BNC2: variants seen among roughly 807,000 people sequenced by gnomAD.
BNC2 encodes the protein basonuclin zinc finger protein 2, also known as zinc finger protein basonuclin-2.
BNC2 carries 20 observed loss-of-function variants against 76.3 expected under a neutral mutation model. The observed-to-expected ratio is 0.26, with a 90% CI of 0.18 to 0.38. The LOEUF is 0.38. Among genes scored for constraint, BNC2 ranks in the 10% least tolerant of loss-of-function variants. The pLI is 1.00. For missense variants in BNC2, 1,382 were observed against 1,399.8 expected (o/e 0.99, Z 0.20); for synonymous variants, 582 against 514.8 (o/e 1.13, Z -1.77).
chr9:16,465,935 C>T (rs899677544), intron 5 of BNC2, among the ~76,000 whole-genome samples: 15 of 146,050 alleles, frequency 1.0e-4, no homozygotes, highest in Admixed American at 4.9e-4. Flanking sequence ...AAAACCCCAT[C>T]GTCTCAGCCC....
At chr9:16,522,351 T>A (rs900099462) in intron 5 of BNC2, among the ~76,000 whole-genome samples, 1 of 152,162 alleles carries the variant, frequency 6.6e-6, no homozygotes, top group East Asian at 1.9e-4. Flanking sequence ...GCATGCCCGA[T>A]TGATATAAAT....
chr9:16,508,275 G>C (rs951685536), intron 5 of BNC2, among the ~76,000 whole-genome samples: 2 of 152,220 alleles, frequency 1.3e-5, no homozygotes, highest in African/African-American at 4.8e-5. Flanking sequence ...TCTTGGACTT[G>C]ATCATCGCGG....
At chr9:16,738,970 G>C (rs935841238) in intron 1 of BNC2, among the ~76,000 whole-genome samples, 17 of 151,148 alleles carry the variant, frequency 1.1e-4, no homozygotes, top group African/African-American at 3.9e-4. Flanking sequence ...AAACAGAATA[G>C]GAAAAGAAAC....
At chr9:16,749,225 T>C (rs931628202) in intron 1 of BNC2, among the ~76,000 whole-genome samples, 4 of 152,076 alleles carry the variant, frequency 2.6e-5, no homozygotes, top group Non-Finnish European at 5.9e-5. Context: ...TATGTAAATG[T>C]ACAAGTTAAA....
At chr9:16,575,466 G>A (rs1337831667) in intron 4 of BNC2, 4 of 984,772 alleles carry the variant, frequency 4.1e-6, no homozygotes, top group Non-Finnish European at 4.8e-6. Flanking sequence ...ACTTTGAAGG[G>A]GAGGCACTGT....
chr9:16,650,041 C>G (rs1821747942), intron 3 of BNC2, among the ~76,000 whole-genome samples: 1 of 152,172 alleles, frequency 6.6e-6, no homozygotes, highest in Non-Finnish European at 1.5e-5. Flanking sequence ...GCAGTCAGCA[C>G]TCAACCCTGG....
At chr9:16,721,602 A>G (rs767718701) in intron 3 of BNC2, among the ~76,000 whole-genome samples, 18 of 152,196 alleles carry the variant, frequency 1.2e-4, no homozygotes, top group Admixed American at 5.9e-4. Flanking sequence ...CAAAGGTACA[A>G]GAGGATTTTC....
chr9:16,682,945 T>C (rs767990200), intron 3 of BNC2, among the ~76,000 whole-genome samples: 1 of 152,226 alleles, frequency 6.6e-6, no homozygotes, highest in Admixed American at 6.5e-5. Flanking sequence ...TAGAAGATGA[T>C]TGCATAAGAG....
chr9:16,573,229 AAAAAAAAAC>A (rs1374415883), intron 4 of BNC2, among the ~76,000 whole-genome samples: 1 of 148,198 alleles, frequency 6.7e-6, no homozygotes, highest in Non-Finnish European at 1.5e-5. Context: ...CTCAAAAAAA[AAAAAAAAAC>A]AGAAAAAGAA....
At chr9:16,646,838 G>C (rs1451928706) in intron 3 of BNC2, among the ~76,000 whole-genome samples, 1 of 152,152 alleles carries the variant, frequency 6.6e-6, no homozygotes, top group East Asian at 1.9e-4. Context: ...AAGGGTATGA[G>C]ATATTGTAAC....
At chr9:16,525,706 T>G (rs773301363) in intron 5 of BNC2, among the ~76,000 whole-genome samples, 6 of 152,220 alleles carry the variant, frequency 3.9e-5, no homozygotes, top group Admixed American at 2.0e-4. Flanking sequence ...TGATATGAAG[T>G]TGTTTACAAG....
At chr9:16,455,200 A>G (rs1317582386) in intron 5 of BNC2, among the ~76,000 whole-genome samples, 2 of 152,220 alleles carry the variant, frequency 1.3e-5, no homozygotes, top group Non-Finnish European at 2.9e-5. Flanking sequence ...TACTTTAACC[A>G]AAACAATATG....
chr9:16,502,133 T>C lies in BNC2; in HGVS notation c.669+50397A>G, dbSNP rs577414463. ...ATCCTAGATCTTTGGGAAGTCGAGA[T>C]GGGAGGATAACTTGAGGGTAGGAGT... On this transcript the variant is annotated intron_variant, in intron 5 of 6. Transcript: ENST00000380672. Among the ~76,000 whole-genome samples, 333 of 152,074 alleles carry C rather than the reference T, an allele frequency of 2.2e-3. 2 individuals carry two copies. Among genetic ancestry groups the C allele is most frequent in the African/African-American group, 7.6e-3 (314 of 41,478 alleles).
chr9:16,630,691 G>A (rs1430466676), intron 3 of BNC2, among the ~76,000 whole-genome samples: 1 of 150,824 alleles, frequency 6.6e-6, no homozygotes, highest in Non-Finnish European at 1.5e-5. Flanking sequence ...TAGATTTCTG[G>A]TCCTCACCAG....
intron 5 of BNC2, among the ~76,000 whole-genome samples, chr9:16,469,266 G>A (rs780404773): frequency 1.3e-5 from 2 of 152,182 alleles, no homozygotes; most frequent in Non-Finnish European, 2.9e-5. Flanking sequence ...CTCAACTTGA[G>A]TAGTATCTCC....
At chr9:16,584,017 G>T (rs1225386500) in intron 3 of BNC2, among the ~76,000 whole-genome samples, 1 of 152,092 alleles carries the variant, frequency 6.6e-6, no homozygotes, top group Admixed American at 6.6e-5. Flanking sequence ...CTAAGCTCCC[G>T]GACTACAGTT....
chr9:16,857,480 TAAAAAAAAAAAA>T (rs60082380), intron 1 of BNC2, among the ~76,000 whole-genome samples: 2 of 75,690 alleles, frequency 2.6e-5, no homozygotes, highest in Non-Finnish European at 5.1e-5. Context: ...CTGTCTCAAA[TAAAAAAAAAAAA>T]AAAAAAAAAA....
chr9:16,585,512 A>C (rs1362327395), intron 3 of BNC2, among the ~76,000 whole-genome samples: 1 of 152,188 alleles, frequency 6.6e-6, no homozygotes, highest in Non-Finnish European at 1.5e-5. Context: ...TATAGACTAC[A>C]ATTTTCCCTT....
At chr9:16,529,709 T>C (rs963537417) in intron 5 of BNC2, among the ~76,000 whole-genome samples, 2 of 152,162 alleles carry the variant, frequency 1.3e-5, no homozygotes, top group Non-Finnish European at 2.9e-5. Context: ...ATGCTATTCA[T>C]TAAATAGACT....
Sources: gnomAD v4.1 joint callset for allele counts (sites outside exome capture counted in the v4.1 genomes callset) on GRCh38, gnomAD v4.1.1 for gene constraint, MANE v1.5 for transcripts, NCBI Gene and HGNC (gene_info 2026-07-23, HGNC 2026-07-21) for gene names.